Variants in STAC observed in about 807,000 individuals in gnomAD.
STAC encodes SH3 and cysteine-rich domain-containing protein.
Under a neutral mutation model 48.8 loss-of-function variants are expected in STAC, and 43 were observed. The ratio of observed to expected loss-of-function variants is 0.88; its 90% CI spans 0.69 to 1.14. The LOEUF is 1.14. Among genes scored for constraint, STAC ranks in the 50% most tolerant of loss-of-function variants. The probability of loss-of-function intolerance (pLI) is 0.00; values close to 1 mark genes in which losing one functional copy is unlikely to be tolerated. For synonymous variants in STAC, 193 were observed against 179.5 expected (o/e 1.07, Z -0.60); for missense variants, 497 against 504.0 (o/e 0.99, Z 0.13).
At position 36,443,656 on chromosome 3, in the gene STAC, C is replaced by A; in HGVS notation, c.388+16C>A. On this transcript the variant is annotated intron_variant, in intron 2 of 10. Coordinates refer to ENST00000273183, the MANE Select transcript of STAC (RefSeq NM_003149.3). The surrounding 1 kb of genome is among the most constrained non-coding windows in gnomAD (Gnocchi z 4.2). ...ATGATAGTGGGTAAGGCCTCCCACC[C>A]CTTTCTCCAGATCCCAGCACCCCCG... is the stretch of plus-strand genomic sequence containing the variant. 6.2e-7 allele frequency: 1 copy of A among 1,605,076 alleles called. No individual in the cohort carries two copies. Among genetic ancestry groups the A allele is most frequent in the South Asian group, 1.1e-5 (1 of 90,990 alleles).
intron 2 of STAC, among the ~76,000 whole-genome samples, chr3:36,446,644 T>G (rs1050875483): frequency 1.3e-5 from 2 of 152,216 alleles, no homozygotes; most frequent in African/African-American, 4.8e-5. Flanking sequence ...CTTCAACAAG[T>G]CAACATGTAC....
chr3:36,490,380 G>A (rs966645764), intron 5 of STAC, among the ~76,000 whole-genome samples: 1 of 152,164 alleles, frequency 6.6e-6, no homozygotes, highest in Non-Finnish European at 1.5e-5. Flanking sequence ...GTTTGTAGAT[G>A]CCACCCAGCA....
intron 2 of STAC, among the ~76,000 whole-genome samples, chr3:36,456,225 A>G (rs1431385979): frequency 6.6e-6 from 1 of 152,184 alleles, no homozygotes; most frequent in Non-Finnish European, 1.5e-5. Context: ...TGTCATAAAG[A>G]GAAGTGCCAA....
chr3:36,409,739 A>G (rs1700153266), intron 1 of STAC: 1 of 152,202 alleles, frequency 6.6e-6, no homozygotes, highest in Admixed American at 6.5e-5. Context: ...ATTTCAGGTA[A>G]GTGGCTCCAT....
chr3:36,516,788 A>T (rs1292270375), intron 8 of STAC, among the ~76,000 whole-genome samples: 1 of 152,186 alleles, frequency 6.6e-6, no homozygotes, highest in Non-Finnish European at 1.5e-5. Flanking sequence ...CTGGGTATTA[A>T]ACAGGATAAT....
chr3:36,516,272 G>A (rs1575255703), intron 8 of STAC, among the ~76,000 whole-genome samples: 1 of 152,040 alleles, frequency 6.6e-6, no homozygotes, highest in African/African-American at 2.4e-5. Context: ...GCGAACCACC[G>A]TGCCCAGCCC....
chr3:36,403,147 A>T (rs1209627845), intron 1 of STAC, among the ~76,000 whole-genome samples: 3 of 152,220 alleles, frequency 2.0e-5, no homozygotes, highest in Non-Finnish European at 4.4e-5. Context: ...CCTAGGAATG[A>T]ATTTTTTGGA....
intron 3 of STAC, among the ~76,000 whole-genome samples, chr3:36,484,716 G>A (rs77697960): frequency 0.017 from 2,640 of 152,312 alleles, 23 homozygotes; most frequent in Non-Finnish European, 0.021. Context: ...TGCACTGCAG[G>A]AGGAGGACAG....
Position 36,443,913 on chromosome 3 carries a change from T to C in STAC, c.388+273T>C, listed in dbSNP as rs1210670660. Among the ~76,000 whole-genome samples, 3 of 152,180 alleles carry C rather than the reference T, an allele frequency of 2.0e-5. No homozygotes were observed. The highest frequency in any genetic ancestry group is 4.1e-4 in the South Asian group (2 of 4,828). ...TAAAGCCCTTTAGCGTGTTCTTGCATTGAGGCTCGAGGTCTGGGTCTTTGA... is the reference window on the plus strand; with the variant it reads ...TAAAGCCCTTTAGCGTGTTCTTGCACTGAGGCTCGAGGTCTGGGTCTTTGA... On this transcript the variant is annotated intron_variant, in intron 2 of 10. Transcript: ENST00000273183. The surrounding 1 kb of genome is among the most constrained non-coding windows in gnomAD (Gnocchi z 4.2).
intron 8 of STAC, among the ~76,000 whole-genome samples, chr3:36,512,487 A>C (rs2125718359): frequency 6.6e-6 from 1 of 152,302 alleles, no homozygotes; most frequent in Admixed American, 6.5e-5. Flanking sequence ...TCTATTATAG[A>C]GATCCTACAG....
chr3:36,520,429 T>C (rs1698773503), intron 8 of STAC, among the ~76,000 whole-genome samples: 1 of 152,146 alleles, frequency 6.6e-6, no homozygotes, highest in Admixed American at 6.6e-5. Context: ...GGTTTCCCGA[T>C]TCTGTCAATG....
chr3:36,526,864 T>C (rs1366505467), intron 8 of STAC, among the ~76,000 whole-genome samples: 1 of 152,170 alleles, frequency 6.6e-6, no homozygotes, highest in Admixed American at 6.5e-5. Context: ...GCAGCTCTAC[T>C]TAGGAGAAAA....
At chr3:36,453,845 T>C (rs1696767546) in intron 2 of STAC, among the ~76,000 whole-genome samples, 1 of 152,178 alleles carries the variant, frequency 6.6e-6, no homozygotes, top group Admixed American at 6.5e-5. Context: ...TGCATCTAGC[T>C]CAAGGTTTGT....
chr3:36,385,425 A>G (rs559598673), intron 1 of STAC, among the ~76,000 whole-genome samples: 15 of 152,158 alleles, frequency 9.9e-5, no homozygotes, highest in Non-Finnish European at 2.1e-4. Context: ...GTCTGAGTAT[A>G]AACACTTCTA....
At position 36,396,829 on chromosome 3, in the gene STAC, G is replaced by T. The variant is rs186560602; in HGVS notation, c.111+16075G>T. On this transcript the variant is annotated intron_variant, in intron 1 of 10. Transcript: ENST00000273183. ...ATGCCAGTTATTGAACTTATTATAT[G>T]TAGGGTAGTTTTTTCCTCGCACTAA... Among the ~76,000 whole-genome samples the T allele has an allele frequency of 3.9e-5, 6 of 152,266 alleles. No homozygotes were observed. The East Asian group carries it at 1.2e-3, about 29-fold the overall frequency.
At chr3:36,401,384 A>C (rs528393106) in intron 1 of STAC, among the ~76,000 whole-genome samples, 1 of 152,356 alleles carries the variant, frequency 6.6e-6, no homozygotes, top group East Asian at 1.9e-4. Flanking sequence ...GTCATTAACA[A>C]AAAGGCAATG....
Position 36,539,190 on chromosome 3 carries a change from A to ATTTTC in STAC, c.1111-6987_1111-6983dup, listed in dbSNP as rs1176982481. On this transcript the variant is annotated intron_variant, in intron 10 of 10. Transcript: ENST00000273183. ...AGTCAGCCCCTTTCTTCTACAGAAT[A>ATTTTC]TTTTCTTTTCTTTTCTTTAACTTTT... 2.0e-5 allele frequency among the ~76,000 whole-genome samples: 3 copies of ATTTTC among 151,934 alleles called. No individual in the cohort carries two copies. The South Asian group carries it at 6.2e-4, about 32-fold the overall frequency.
At chr3:36,483,224 G>C (rs1470269941) in intron 3 of STAC, 132 bp downstream of exon 3, 1 of 632,932 alleles carries the variant, frequency 1.6e-6, no homozygotes, top group Non-Finnish European at 2.7e-6. Flanking sequence ...TGCCAGCTTG[G>C]CTTCCTAATT....
chr3:36,506,588 T>A (rs1187148475), intron 8 of STAC, among the ~76,000 whole-genome samples: 4 of 152,196 alleles, frequency 2.6e-5, no homozygotes, highest in Non-Finnish European at 1.5e-5. Flanking sequence ...TTTGTTTGTG[T>A]CCTCTCTTGT....
Sources: allele counts gnomAD v4.1 joint callset (sites outside exome capture counted in the v4.1 genomes callset), GRCh38; gene constraint gnomAD v4.1.1; non-coding constraint Gnocchi (gnomAD v3.1); transcripts MANE v1.5; gene names NCBI Gene and HGNC (gene_info 2026-07-23, HGNC 2026-07-21).